The following GCNT1 variants were observed in gnomAD, a reference collection of about 807,000 sequenced individuals.
GCNT1 encodes beta-1,3-galactosyl-O-glycosyl-glycoprotein beta-1,6-N-acetylglucosaminyltransferase.
In GCNT1, 16 loss-of-function variants were observed where a neutral mutation model predicts 26.2. That is an observed-to-expected ratio of 0.61 (90% CI 0.41 to 0.93). GCNT1 has a LOEUF of 0.93. GCNT1 is among the 40% of genes least tolerant of loss of function. GCNT1 has a pLI of 0.00. For missense variants in GCNT1, 477 were observed against 526.7 expected (o/e 0.91, Z 0.92); for synonymous variants, 183 against 190.8 (o/e 0.96, Z 0.34).
chr9:76,420,799 C>G (rs1258206862), intron 1 of GCNT1, among the ~76,000 whole-genome samples: 1 of 152,074 alleles, frequency 6.6e-6, no homozygotes, highest in Non-Finnish European at 1.5e-5. Flanking sequence ...AATAGCCAGG[C>G]TTGGTGGCAT....
At chr9:76,457,726 T>TA (rs1295860860), upstream of GCNT1, among the ~76,000 whole-genome samples, 1 of 152,282 alleles carries the variant, frequency 6.6e-6, no homozygotes. Context: ...AAATTATTTT[T>TA]AAAAGTTTAT....
intron 2 of GCNT1, among the ~76,000 whole-genome samples, chr9:76,483,399 A>G (rs1173370868): frequency 1.5e-5 from 2 of 132,142 alleles, no homozygotes; most frequent in Non-Finnish European, 3.4e-5. Context: ...ACTATTAAGG[A>G]GGGGTTTTTT....
intron 1 of GCNT1, among the ~76,000 whole-genome samples, chr9:76,425,056 G>A (rs565644356): frequency 8.0e-5 from 12 of 149,342 alleles, no homozygotes; most frequent in Non-Finnish European, 1.6e-4. Flanking sequence ...GGAGAATGGC[G>A]TGAACCCAGG....
chr9:76,467,009 G>T (rs1400335091), intron 2 of GCNT1, among the ~76,000 whole-genome samples: 1 of 151,880 alleles, frequency 6.6e-6, no homozygotes, highest in Non-Finnish European at 1.5e-5. Flanking sequence ...GACCTTACAG[G>T]CTTGTTAACT....
chr9:76,442,689 A>G (rs950580751), intron 1 of GCNT1, among the ~76,000 whole-genome samples: 1 of 152,164 alleles, frequency 6.6e-6, no homozygotes, highest in Non-Finnish European at 1.5e-5. Flanking sequence ...TCAAAAAAGA[A>G]AGAAAGAAAC....
At chr9:76,401,896 A>G in the GCNT1 span, among the ~76,000 whole-genome samples, 1 of 152,212 alleles carries the variant, frequency 6.6e-6, no homozygotes, top group African/African-American at 2.4e-5. Context: ...CCCTGTCTCA[A>G]ACAAACAAAC....
At chr9:76,467,344 A>G (rs1286415653) in intron 2 of GCNT1, among the ~76,000 whole-genome samples, 1 of 152,114 alleles carries the variant, frequency 6.6e-6, no homozygotes, top group African/African-American at 2.4e-5. Context: ...ACCCAGCCTC[A>G]GCTGATCTTT....
chr9:76,501,403 A>C (rs1825064575), intron 3 of GCNT1, among the ~76,000 whole-genome samples: 1 of 152,222 alleles, frequency 6.6e-6, no homozygotes, highest in Non-Finnish European at 1.5e-5. Flanking sequence ...AATATAGATG[A>C]AGGTCTGTCA....
chr9:76,433,258 C>A (rs563714855), intron 1 of GCNT1, among the ~76,000 whole-genome samples: 28 of 152,312 alleles, frequency 1.8e-4, no homozygotes, highest in Admixed American at 1.5e-3. Flanking sequence ...AGTTGCCCCA[C>A]GTAACGGAAA....
chr9:76,495,265 G>T (rs371279501), intron 2 of GCNT1, among the ~76,000 whole-genome samples: 2 of 152,268 alleles, frequency 1.3e-5, no homozygotes, highest in South Asian at 4.1e-4. Flanking sequence ...CTTAAAGATG[G>T]TGTGTCCAGA....
chr9:76,407,808 T>A, the GCNT1 span, among the ~76,000 whole-genome samples: 2 of 152,206 alleles, frequency 1.3e-5, no homozygotes, highest in Non-Finnish European at 2.9e-5. Context: ...AGTTTTGTAG[T>A]TTTTCTCATA....
intron 2 of GCNT1, among the ~76,000 whole-genome samples, chr9:76,491,123 GTCTC>G (rs1178364113): frequency 6.6e-6 from 1 of 151,516 alleles, no homozygotes; most frequent in Non-Finnish European, 1.5e-5. Flanking sequence ...CTTCTTCTTT[GTCTC>G]TCTCTTTTTG....
At position 76,504,146 on chromosome 9, in the gene GCNT1, G is replaced by T. The variant is rs1825170777; in HGVS notation, c.*478G>T. The T allele has an allele frequency of 5.1e-6, 1 of 196,214 alleles. No homozygotes were observed. Among genetic ancestry groups the T allele is most frequent in the African/African-American group, 2.4e-5 (1 of 42,406 alleles). The allele number at this position is 196,214 out of a possible 1,614,324, so 12.2% of individuals were successfully genotyped here. A position where few individuals can be genotyped will look rare whatever the true frequency, so the allele number is the denominator to read the frequency against. ...ATTATATTTGTTGAAATAGAAATTT[G>T]ATTGTACTATAAATGATTTTTGTAA... On this transcript the variant is annotated 3_prime_UTR_variant, in exon 4 of 4. Coordinates refer to ENST00000376730, the MANE Select transcript of GCNT1 (RefSeq NM_001490.5).
At chr9:76,449,147 C>T (rs1823622976) in intron 1 of GCNT1, among the ~76,000 whole-genome samples, 1 of 151,912 alleles carries the variant, frequency 6.6e-6, no homozygotes, top group Non-Finnish European at 1.5e-5. Flanking sequence ...GGCAATAAAG[C>T]AAGACCCTGT....
At chr9:76,480,263 T>C (rs1824384407) in intron 2 of GCNT1, among the ~76,000 whole-genome samples, 1 of 152,090 alleles carries the variant, frequency 6.6e-6, no homozygotes, top group Non-Finnish European at 1.5e-5. Context: ...TGTAGCCTTG[T>C]AGCATAGTTT....
intron 2 of GCNT1, among the ~76,000 whole-genome samples, chr9:76,478,205 C>G (rs1824305955): frequency 1.3e-5 from 2 of 152,194 alleles, no homozygotes; most frequent in Non-Finnish European, 2.9e-5. Context: ...AAACTTGGTT[C>G]TTTTGCTCTT....
intron 1 of GCNT1, among the ~76,000 whole-genome samples, chr9:76,435,651 TC>T (rs1823397748): frequency 6.6e-6 from 1 of 152,326 alleles, no homozygotes; most frequent in South Asian, 2.1e-4. Context: ...TGTCTTTTAC[TC>T]TTCTTACAAG....
At chr9:76,428,707 T>TTC (rs1339203286) in intron 1 of GCNT1, among the ~76,000 whole-genome samples, 1 of 150,860 alleles carries the variant, frequency 6.6e-6, no homozygotes, top group Non-Finnish European at 1.5e-5. Flanking sequence ...CTATTTTTTT[T>TTC]TTTTTTTTTT....
chr9:76,473,891 G>A (rs184214186), intron 2 of GCNT1, among the ~76,000 whole-genome samples: 9 of 152,258 alleles, frequency 5.9e-5, no homozygotes, highest in Non-Finnish European at 1.3e-4. Flanking sequence ...TTGAGCCCAG[G>A]AGTTCAAGAC....
Sources: allele counts gnomAD v4.1 joint callset (sites outside exome capture counted in the v4.1 genomes callset), GRCh38; gene constraint gnomAD v4.1.1; transcripts MANE v1.5; gene names NCBI Gene and HGNC (gene_info 2026-07-23, HGNC 2026-07-21).